Variants in GUCA1C observed in about 807,000 individuals in gnomAD.
The protein encoded by GUCA1C is guanylyl cyclase-activating protein 3.
In GUCA1C, 15 loss-of-function variants were observed where a neutral mutation model predicts 16.2. The ratio of observed to expected loss-of-function variants is 0.93; its 90% CI spans 0.62 to 1.43. GUCA1C has a LOEUF of 1.43. Among genes scored for constraint, GUCA1C ranks in the 40% most tolerant of loss-of-function variants. The pLI, the probability that GUCA1C is intolerant of heterozygous loss-of-function variation, is 0.00. For missense variants in GUCA1C, 275 were observed against 244.8 expected (o/e 1.12, Z -0.82); for synonymous variants, 78 against 85.4 (o/e 0.91, Z 0.48).
chr3:108,921,848 T>G (rs1946571832), intron 1 of GUCA1C, among the ~76,000 whole-genome samples: 1 of 152,112 alleles, frequency 6.6e-6, no homozygotes. Flanking sequence ...ATACGTTTTT[T>G]AGTGGTGATT....
chr3:108,943,407 C>A (rs1379320302), intron 1 of GUCA1C, among the ~76,000 whole-genome samples: 2 of 152,102 alleles, frequency 1.3e-5, no homozygotes, highest in African/African-American at 4.8e-5. Context: ...GTGTATGTGG[C>A]CAGAGAAGCC....
intron 2 of GUCA1C, among the ~76,000 whole-genome samples, chr3:108,918,084 A>G (rs1490803679): frequency 1.3e-5 from 2 of 152,180 alleles, no homozygotes; most frequent in Non-Finnish European, 2.9e-5. Context: ...CACAATTGCC[A>G]TTTTTAGACT....
intron 1 of GUCA1C, among the ~76,000 whole-genome samples, chr3:108,947,750 T>C (rs1253587973): frequency 6.6e-6 from 1 of 152,138 alleles, no homozygotes; most frequent in Non-Finnish European, 1.5e-5. Context: ...TGAAGCTGGG[T>C]GATGGGTCTA....
chr3:108,952,030 C>T (rs555499555), intron 1 of GUCA1C, among the ~76,000 whole-genome samples: 16 of 152,334 alleles, frequency 1.1e-4, no homozygotes, highest in South Asian at 1.0e-3. Flanking sequence ...ATGACATCAA[C>T]GCCTTTGGAT....
rs1246426860 is a variant in GUCA1C, at chr3:108,915,130, C to T, written c.442+997G>A. On this transcript the variant is annotated intron_variant, in intron 3 of 3. Transcript: ENST00000261047. The stretch of plus-strand genomic sequence containing the variant: ...GCATTTGAGCTTCCTCCCGGCCTCA[C>T]CATCCCATCCTGCCACGCTGAGCTG... Among the ~76,000 whole-genome samples, 4 of 152,188 alleles carry T rather than the reference C, an allele frequency of 2.6e-5. No homozygotes were observed. The East Asian group carries it at 5.8e-4, about 22-fold the overall frequency.
chr3:108,944,088 T>G (rs2107314178), intron 1 of GUCA1C, among the ~76,000 whole-genome samples: 1 of 152,280 alleles, frequency 6.6e-6, no homozygotes, highest in South Asian at 2.1e-4. Flanking sequence ...GAAATATATT[T>G]TAAACTTCTT....
In GUCA1C at chr3:108,908,117, G is replaced by T; in HGVS notation, c.535C>A (p.Leu179Met). Residue 179 changes from leucine to methionine, a missense_variant, in exon 4 of 4, where the codon CTG (leucine) becomes ATG (methionine). Physicochemically the swap from Leu to Met is conservative, Grantham distance 15. Transcript: ENST00000261047. Reference sequence around the variant, plus strand: ...TGCTTCCCATTACAGATTACTCTCAGCACATTGGAGAAGTCGAAGCTCTTG... The same window carrying T: ...TGCTTCCCATTACAGATTACTCTCATCACATTGGAGAAGTCGAAGCTCTTG... ...VYKSFDFSNV[L>M]RVICNGKQPD... The T allele has an allele frequency of 5.6e-6, 9 of 1,613,206 alleles. No homozygotes were observed. The highest frequency in any genetic ancestry group is 7.6e-6 in the Non-Finnish European group (9 of 1,179,206).
intron 2 of GUCA1C, among the ~76,000 whole-genome samples, chr3:108,919,126 A>G (rs1364233167): frequency 3.9e-5 from 6 of 152,070 alleles, no homozygotes; most frequent in Non-Finnish European, 8.8e-5. Flanking sequence ...ATTTGCTATT[A>G]TTGTTTTTAG....
At chr3:108,920,980 A>G (rs1330192838) in intron 1 of GUCA1C, among the ~76,000 whole-genome samples, 2 of 151,892 alleles carry the variant, frequency 1.3e-5, no homozygotes, top group African/African-American at 4.8e-5. Flanking sequence ...ATTAGTGTCC[A>G]CTCTTTGTAT....
chr3:108,941,356 A>T (rs1281835088), intron 1 of GUCA1C, among the ~76,000 whole-genome samples: 1 of 152,134 alleles, frequency 6.6e-6, no homozygotes, highest in Non-Finnish European at 1.5e-5. Flanking sequence ...GTTTACATGA[A>T]CCTAATGCTG....
At chr3:108,919,459 T>C (rs973876102) in intron 2 of GUCA1C, among the ~76,000 whole-genome samples, 5 of 152,210 alleles carry the variant, frequency 3.3e-5, no homozygotes, top group African/African-American at 1.2e-4. Context: ...AATTTCTAAA[T>C]TGTTCACTTG....
intron 1 of GUCA1C, among the ~76,000 whole-genome samples, chr3:108,949,653 C>A (rs993967162): frequency 6.6e-6 from 1 of 152,262 alleles, no homozygotes; most frequent in African/African-American, 2.4e-5. Context: ...GGTTCCATTA[C>A]CATTGTGACG....
At chr3:108,941,820 T>C (rs969307111) in intron 1 of GUCA1C, among the ~76,000 whole-genome samples, 1 of 152,214 alleles carries the variant, frequency 6.6e-6, no homozygotes, top group Non-Finnish European at 1.5e-5. Flanking sequence ...ATCTCAGTGC[T>C]CTGAGTGTCT....
chr3:108,949,937 A>G (rs1946882357), intron 1 of GUCA1C, among the ~76,000 whole-genome samples: 1 of 152,192 alleles, frequency 6.6e-6, no homozygotes, highest in South Asian at 2.1e-4. Flanking sequence ...CAAGTATGAA[A>G]TATTTTATTA....
At chr3:108,921,654 C>T (rs1189068784) in intron 1 of GUCA1C, among the ~76,000 whole-genome samples, 1 of 152,084 alleles carries the variant, frequency 6.6e-6, no homozygotes, top group Admixed American at 6.6e-5. Context: ...AGTGGTATCT[C>T]CTTGTTTTAA....
intron 3 of GUCA1C, among the ~76,000 whole-genome samples, chr3:108,910,428 G>T (rs1324131451): frequency 6.6e-6 from 1 of 151,550 alleles, no homozygotes; most frequent in Non-Finnish European, 1.5e-5. Flanking sequence ...AACCCGGGAG[G>T]CGGAGGTTGC....
At chr3:108,953,486 A>G in intron 1 of GUCA1C, 73 bp downstream of exon 1, 1 of 932,638 alleles carries the variant, frequency 1.1e-6, no homozygotes, top group Non-Finnish European at 1.7e-6. Flanking sequence ...GCTATTTTAC[A>G]GGAAAAAAAA....
chr3:108,942,613 T>C (rs1946797620), intron 1 of GUCA1C, among the ~76,000 whole-genome samples: 1 of 152,218 alleles, frequency 6.6e-6, no homozygotes, highest in Non-Finnish European at 1.5e-5. Context: ...AGAATTCCCC[T>C]AGGGGACCCT....
intron 1 of GUCA1C, among the ~76,000 whole-genome samples, chr3:108,925,925 A>G (rs1263231183): frequency 6.6e-6 from 1 of 152,160 alleles, no homozygotes; most frequent in African/African-American, 2.4e-5. Context: ...TGTCTCTACT[A>G]AAAATACAAA....
Sources: gnomAD v4.1 joint callset for allele counts (sites outside exome capture counted in the v4.1 genomes callset) on GRCh38, gnomAD v4.1.1 for gene constraint, MANE v1.5 for transcripts, NCBI Gene and HGNC (gene_info 2026-07-23, HGNC 2026-07-21) for gene names.